EPB41L3: variants seen among roughly 807,000 people sequenced by gnomAD.
EPB41L3 encodes the protein erythrocyte membrane protein band 4.1 like 3.
A neutral mutation model predicts 127.1 loss-of-function variants in EPB41L3; 57 were observed. That is an observed-to-expected ratio of 0.45 (90% CI 0.36 to 0.56). EPB41L3 has a LOEUF of 0.56. EPB41L3 is among the 20% of genes least tolerant of loss of function. The pLI, the probability that EPB41L3 is intolerant of heterozygous loss-of-function variation, is 0.00. For missense variants in EPB41L3, 1,273 were observed against 1,372.2 expected (o/e 0.93, Z 1.14); for synonymous variants, 572 against 549.5 (o/e 1.04, Z -0.57).
At chr18:5,623,655 CTTT>C (rs368566723) in intron 1 of EPB41L3, among the ~76,000 whole-genome samples, 1 of 147,458 alleles carries the variant, frequency 6.8e-6, no homozygotes, top group African/African-American at 2.5e-5. Flanking sequence ...TCTTTTCATT[CTTT>C]TTTTTTTTTA....
At chr18:5,394,352 T>C in intron 22 of EPB41L3, 1 of 195,206 alleles carries the variant, frequency 5.1e-6, no homozygotes, top group Non-Finnish European at 1.1e-5. Flanking sequence ...GCAAGTAAAA[T>C]CAAATTTGCC....
At chr18:5,625,789 G>C (rs561547486) in intron 1 of EPB41L3, among the ~76,000 whole-genome samples, 2 of 152,254 alleles carry the variant, frequency 1.3e-5, no homozygotes, top group African/African-American at 4.8e-5. Context: ...CCATTTCACT[G>C]ATGAGGATTT....
chr18:5,504,212 C>G (rs1036327712), intron 1 of EPB41L3, among the ~76,000 whole-genome samples: 1 of 152,188 alleles, frequency 6.6e-6, no homozygotes, highest in African/African-American at 2.4e-5. Flanking sequence ...TTACCCAGGA[C>G]TTTCAGTTCA....
intron 8 of EPB41L3, among the ~76,000 whole-genome samples, chr18:5,433,113 G>A (rs947281602): frequency 4.0e-5 from 6 of 151,418 alleles, no homozygotes; most frequent in Non-Finnish European, 7.4e-5. Context: ...GTTATGTGAC[G>A]GCACAGAGTG....
intron 1 of EPB41L3, among the ~76,000 whole-genome samples, chr18:5,525,205 TG>T (rs936058234): frequency 1.4e-4 from 21 of 152,260 alleles, no homozygotes; most frequent in Admixed American, 1.4e-3. Context: ...AGCAGGCCCC[TG>T]ACAGCCCAGC....
chr18:5,459,411 G>C (rs2083604430), intron 3 of EPB41L3, among the ~76,000 whole-genome samples: 1 of 151,166 alleles, frequency 6.6e-6, no homozygotes. Flanking sequence ...TTTTTTGAAG[G>C]CCTTATCAGA....
chr18:5,477,038 T>C (rs1007523609), intron 3 of EPB41L3, among the ~76,000 whole-genome samples: 2 of 152,258 alleles, frequency 1.3e-5, no homozygotes, highest in Admixed American at 1.3e-4. Context: ...CTTTTTTCTA[T>C]GTTCCTGCAA....
chr18:5,519,416 T>C (rs1481432375), intron 1 of EPB41L3, among the ~76,000 whole-genome samples: 4 of 152,226 alleles, frequency 2.6e-5, no homozygotes, highest in African/African-American at 9.6e-5. Flanking sequence ...ATTTTTCTCC[T>C]TGTCCAAAAT....
intron 1 of EPB41L3, among the ~76,000 whole-genome samples, chr18:5,537,466 A>G (rs1166322399): frequency 6.6e-6 from 1 of 152,208 alleles, no homozygotes; most frequent in African/African-American, 2.4e-5. Flanking sequence ...AAAATTTTGG[A>G]TAACTCCATT....
At position 5,396,937 on chromosome 18, in the gene EPB41L3, T is replaced by C. The variant is rs59176398; in HGVS notation, c.2841+121A>G. On this transcript the variant is annotated intron_variant, in intron 18 of 22. Coordinates refer to ENST00000341928, the MANE Select transcript of EPB41L3 (RefSeq NM_012307.5). ...TGAAAGAAGGAAATGAGAGGAGAAA[T>C]ACACTATACATGGGAGAGGCAGAAA... is the stretch of plus-strand genomic sequence containing the variant. The C allele has an allele frequency of 0.08, 84,080 of 1,051,656 alleles. 6,539 individuals are homozygous for C. The highest frequency in any genetic ancestry group is 0.36 in the African/African-American group (22,765 of 62,596). The allele number at this position is 1,051,656 out of a possible 1,614,324, so 65.1% of individuals were successfully genotyped here.
At chr18:5,597,962 C>G (rs2094553026) in intron 3 of EPB41L3, among the ~76,000 whole-genome samples, 1 of 152,196 alleles carries the variant, frequency 6.6e-6, no homozygotes, top group Non-Finnish European at 1.5e-5. Context: ...CTCTCTGTCC[C>G]AGATCCTGCA....
At chr18:5,427,214 T>A (rs75716326) in intron 9 of EPB41L3, among the ~76,000 whole-genome samples, 1,772 of 151,938 alleles carry the variant, frequency 0.012, 22 homozygotes, top group African/African-American at 0.04. Context: ...GAAACTCCAG[T>A]AGAGAAGTAG....
At chr18:5,456,260 A>G (rs2083042508) in intron 3 of EPB41L3, among the ~76,000 whole-genome samples, 3 of 152,210 alleles carry the variant, frequency 2.0e-5, no homozygotes, top group Non-Finnish European at 4.4e-5. Flanking sequence ...ACTATGTACT[A>G]AGTGAATCTG....
intron 13 of EPB41L3, among the ~76,000 whole-genome samples, chr18:5,410,995 T>C (rs1408997922): frequency 1.3e-5 from 2 of 152,250 alleles, no homozygotes. Context: ...AAAATTGATG[T>C]TTATATATAT....
At chr18:5,569,297 C>A (rs373035956) in intron 3 of EPB41L3, among the ~76,000 whole-genome samples, 1 of 152,300 alleles carries the variant, frequency 6.6e-6, no homozygotes, top group African/African-American at 2.4e-5. Flanking sequence ...CAAACTTAAT[C>A]CAATGCTTAA....
At position 5,461,342 on chromosome 18, in the gene EPB41L3, G is replaced by A. The variant is rs80220609; in HGVS notation, c.382-16098C>T. Among the ~76,000 whole-genome samples the A allele has an allele frequency of 8.9e-3, 1,356 of 152,236 alleles. 11 individuals are homozygous for A. Among genetic ancestry groups the A allele is most frequent in the African/African-American group, 0.03 (1,252 of 41,528 alleles). On this transcript the variant is annotated intron_variant, in intron 3 of 22. Transcript: ENST00000341928. ...CAAGAACCAATTCCTTATGCTGCCT[G>A]TGCGTCTGCAAACCATCACTTATGT...
chr18:5,428,897 T>C (rs913669651), intron 8 of EPB41L3, among the ~76,000 whole-genome samples: 4 of 152,234 alleles, frequency 2.6e-5, no homozygotes, highest in Non-Finnish European at 5.9e-5. Context: ...GGTACAGAGT[T>C]CCAGCTGAAC....
At chr18:5,456,289 A>C (rs1199825395) in intron 3 of EPB41L3, among the ~76,000 whole-genome samples, 1 of 152,210 alleles carries the variant, frequency 6.6e-6, no homozygotes, top group Non-Finnish European at 1.5e-5. Flanking sequence ...CCTGTCCATC[A>C]ACTGTTTAAG....
At chr18:5,482,380 A>G (rs1162216384) in intron 2 of EPB41L3, among the ~76,000 whole-genome samples, 2 of 152,212 alleles carry the variant, frequency 1.3e-5, no homozygotes, top group Non-Finnish European at 2.9e-5. Flanking sequence ...TCAAAAGACC[A>G]AACCTAAGAA....
Sources: allele counts gnomAD v4.1 joint callset (sites outside exome capture counted in the v4.1 genomes callset), GRCh38; gene constraint gnomAD v4.1.1; transcripts MANE v1.5; gene names NCBI Gene and HGNC (gene_info 2026-07-23, HGNC 2026-07-21).